The following RAB38 variants were observed in gnomAD, a reference collection of about 807,000 sequenced individuals.
The protein encoded by RAB38 is ras-related protein Rab-38.
Under a neutral mutation model 18.4 loss-of-function variants are expected in RAB38, and 15 were observed. That is an observed-to-expected ratio of 0.82 (90% CI 0.55 to 1.26). RAB38 has a LOEUF of 1.26. Among genes scored for constraint, RAB38 ranks in the 50% most tolerant of loss-of-function variants. The pLI is 0.00. For synonymous variants in RAB38, 101 were observed against 104.4 expected (o/e 0.97, Z 0.20); for missense variants, 294 against 267.4 (o/e 1.10, Z -0.69).
chr11:88,078,716 G>T, the RAB38 span, among the ~76,000 whole-genome samples: 1 of 151,972 alleles, frequency 6.6e-6, no homozygotes, highest in Admixed American at 6.6e-5. Context: ...ATCATCAGAG[G>T]TGGGGAAAAG....
the RAB38 span, among the ~76,000 whole-genome samples, chr11:87,952,851 T>C: frequency 6.6e-6 from 1 of 152,198 alleles, no homozygotes; most frequent in Non-Finnish European, 1.5e-5. Context: ...AATGCAGATG[T>C]ATATAAAAAG....
At chr11:87,956,353 G>T in the RAB38 span, among the ~76,000 whole-genome samples, 4 of 149,992 alleles carry the variant, frequency 2.7e-5, no homozygotes, top group African/African-American at 9.7e-5. Flanking sequence ...GTTGTGAGAA[G>T]AACAAAAATA....
At chr11:88,174,964 T>G (rs941137413) in intron 1 of RAB38, among the ~76,000 whole-genome samples, 1 of 152,256 alleles carries the variant, frequency 6.6e-6, no homozygotes. Flanking sequence ...CAGGGGACTG[T>G]GCGGGAAGGA....
chr11:87,845,139 G>T, the RAB38 span, among the ~76,000 whole-genome samples: 1 of 152,142 alleles, frequency 6.6e-6, no homozygotes, highest in Admixed American at 6.6e-5. Flanking sequence ...CCTGCAGATT[G>T]TAATAGATAA....
At chr11:88,072,654 A>T in the RAB38 span, among the ~76,000 whole-genome samples, 2 of 152,220 alleles carry the variant, frequency 1.3e-5, no homozygotes, top group Non-Finnish European at 2.9e-5. Flanking sequence ...GATAAAAAAT[A>T]AATCACAAGG....
chr11:88,029,032 C>T, the RAB38 span, among the ~76,000 whole-genome samples: 95 of 152,154 alleles, frequency 6.2e-4, no homozygotes, highest in South Asian at 3.3e-3. Flanking sequence ...GCGGATCTCT[C>T]GGCAGAAACT....
chr11:87,946,645 G>A, the RAB38 span, among the ~76,000 whole-genome samples: 1 of 151,990 alleles, frequency 6.6e-6, no homozygotes, highest in African/African-American at 2.4e-5. Flanking sequence ...GTGGTGTTTG[G>A]TTTTTTGTCC....
chr11:88,147,994 T>C (rs1943012980), intron 2 of RAB38, among the ~76,000 whole-genome samples: 1 of 152,164 alleles, frequency 6.6e-6, no homozygotes, highest in Non-Finnish European at 1.5e-5. Context: ...CTGTCTCCCC[T>C]TACAGCAAGA....
the RAB38 span, among the ~76,000 whole-genome samples, chr11:88,050,497 G>A: frequency 2.6e-5 from 4 of 152,120 alleles, no homozygotes; most frequent in South Asian, 4.1e-4. Flanking sequence ...ATGCACCTAC[G>A]TACACATGCA....
the RAB38 span, among the ~76,000 whole-genome samples, chr11:87,874,332 C>A: frequency 6.6e-6 from 1 of 151,306 alleles, no homozygotes; most frequent in Non-Finnish European, 1.5e-5. Context: ...AAAATATTTG[C>A]AAGCCATACA....
At chr11:88,133,893 A>T (rs1489718171) in intron 2 of RAB38, among the ~76,000 whole-genome samples, 1 of 152,170 alleles carries the variant, frequency 6.6e-6, no homozygotes, top group Non-Finnish European at 1.5e-5. Context: ...CACCTATGCT[A>T]CCTCTACTAC....
chr11:88,142,306 G>C (rs953253318), intron 2 of RAB38, among the ~76,000 whole-genome samples: 4 of 152,170 alleles, frequency 2.6e-5, no homozygotes, highest in African/African-American at 9.7e-5. Context: ...TGGAAAACGG[G>C]GATAATGCTT....
the RAB38 span, among the ~76,000 whole-genome samples, chr11:88,102,367 T>C: frequency 4.6e-5 from 7 of 152,106 alleles, no homozygotes; most frequent in African/African-American, 1.7e-4. Flanking sequence ...TCAGTGAGGC[T>C]TCCACTTTGC....
downstream of RAB38, among the ~76,000 whole-genome samples, chr11:88,109,208 G>A (rs1942441355): frequency 6.6e-6 from 1 of 151,954 alleles, no homozygotes; most frequent in Non-Finnish European, 1.5e-5. Flanking sequence ...GAGGCCTCAG[G>A]AAAAACATTA....
chr11:88,026,562 CAAAAAAAAAAAAAAA>C, the RAB38 span, among the ~76,000 whole-genome samples: 16 of 54,252 alleles, frequency 2.9e-4, no homozygotes, highest in African/African-American at 1.0e-3. Flanking sequence ...GACTCTGTCA[CAAAAAAAAAAAAAAA>C]AAAAAAAAAA....
chr11:87,893,927 A>AT, the RAB38 span, among the ~76,000 whole-genome samples: 18 of 151,714 alleles, frequency 1.2e-4, no homozygotes, highest in Admixed American at 1.1e-3. Flanking sequence ...GAATCTTAGG[A>AT]TTTTTTTGCT....
chr11:87,922,245 T>C, the RAB38 span, among the ~76,000 whole-genome samples: 1 of 151,970 alleles, frequency 6.6e-6, no homozygotes, highest in African/African-American at 2.4e-5. Context: ...GGAAAGACTA[T>C]ACTGGTAAAT....
At chr11:88,028,845 C>G in the RAB38 span, among the ~76,000 whole-genome samples, 1 of 152,150 alleles carries the variant, frequency 6.6e-6, no homozygotes, top group African/African-American at 2.4e-5. Context: ...TCTAGCAAGG[C>G]AGGCCAACAT....
chr11:88,122,203 T>C (rs1942639298), intron 2 of RAB38, among the ~76,000 whole-genome samples: 1 of 152,192 alleles, frequency 6.6e-6, no homozygotes, highest in Non-Finnish European at 1.5e-5. Context: ...CGAGATACAT[T>C]TTCCAAATCC....
Sources: allele counts gnomAD v4.1 joint callset (sites outside exome capture counted in the v4.1 genomes callset), GRCh38; gene constraint gnomAD v4.1.1; transcripts MANE v1.5; gene names NCBI Gene and HGNC (gene_info 2026-07-23, HGNC 2026-07-21).